The following TSHZ2 variants were observed in gnomAD, a reference collection of about 807,000 sequenced individuals.
TSHZ2 encodes teashirt homolog 2.
Under a neutral mutation model 74.4 loss-of-function variants are expected in TSHZ2, and 21 were observed. The observed-to-expected ratio is 0.28, with a 90% CI of 0.20 to 0.41. The LOEUF is 0.41. Among genes scored for constraint, TSHZ2 ranks in the 10% least tolerant of loss-of-function variants. The pLI is 1.00. For missense variants in TSHZ2, 1,244 were observed against 1,293.5 expected (o/e 0.96, Z 0.59); for synonymous variants, 540 against 515.3 (o/e 1.05, Z -0.65).
chr20:53,379,619 G>A (rs986974629), intron 2 of TSHZ2, among the ~76,000 whole-genome samples: 1 of 152,128 alleles, frequency 6.6e-6, no homozygotes. Flanking sequence ...GGATGTCTTT[G>A]CCAAGCGAAG....
chr20:53,018,886 C>T (rs539560867), intron 1 of TSHZ2, among the ~76,000 whole-genome samples: 5 of 152,150 alleles, frequency 3.3e-5, no homozygotes, highest in African/African-American at 4.8e-5. Context: ...TCTGGATCTT[C>T]GTCCAATTTA....
In TSHZ2 at chr20:53,314,918, G is replaced by A. The variant is rs376226248; in HGVS notation, c.*8+58347G>A. Among the ~76,000 whole-genome samples, 87 of 152,258 alleles carry A rather than the reference G, an allele frequency of 5.7e-4. 1 individual carries two copies. Among genetic ancestry groups the A allele is most frequent in the Admixed American group, 2.9e-3 (44 of 15,300 alleles). On this transcript the variant is annotated intron_variant, in intron 2 of 2. Coordinates refer to ENST00000371497, the MANE Select transcript of TSHZ2 (RefSeq NM_173485.6). ...ATTACAGGCGTGAGCCACCACACCC[G>A]GCCTAGTTCTAGCTTTTTTGCAACA...
rs752828072 is a variant in TSHZ2 at position 53,267,422 on chromosome 20, GCT to G, written c.*8+10853_*8+10854del. On this transcript the variant is annotated intron_variant, in intron 2 of 2. Transcript: ENST00000371497. ...AGTTTCTTTTAATATTTCAGCCTCT[GCT>G]CAGATCCTTAAAGGCGCTATTCACA... Among the ~76,000 whole-genome samples the G allele has an allele frequency of 5.9e-5, 9 of 152,348 alleles. No homozygotes were observed. The East Asian group carries it at 1.4e-3, about 23-fold the overall frequency.
At chr20:53,085,575 A>G (rs1474882001) in intron 1 of TSHZ2, among the ~76,000 whole-genome samples, 1 of 152,170 alleles carries the variant, frequency 6.6e-6, no homozygotes, top group African/African-American at 2.4e-5. Context: ...ACTTATTTAC[A>G]TGCCAGGCCC....
chr20:53,213,971 A>G (rs1197673304), intron 1 of TSHZ2, among the ~76,000 whole-genome samples: 2 of 152,192 alleles, frequency 1.3e-5, no homozygotes, highest in African/African-American at 4.8e-5. Context: ...GCTAAGTACA[A>G]TATAGTAGTA....
chr20:53,097,184 CA>C (rs1358247444), intron 1 of TSHZ2, among the ~76,000 whole-genome samples: 1 of 152,122 alleles, frequency 6.6e-6, no homozygotes, highest in Admixed American at 6.5e-5. Flanking sequence ...AGGGTGGGAA[CA>C]AAACTGCCTC....
At chr20:53,175,293 A>G (rs1472349786) in intron 1 of TSHZ2, among the ~76,000 whole-genome samples, 1 of 150,406 alleles carries the variant, frequency 6.6e-6, no homozygotes, top group Non-Finnish European at 1.5e-5. Context: ...GTCGCCCACC[A>G]CCACGCCTGG....
In TSHZ2 at chr20:53,485,364, CCA is replaced by C. The variant is rs374251091; in HGVS notation, c.*9-1779_*9-1778del. On this transcript the variant is annotated intron_variant, in intron 2 of 2. Transcript: ENST00000371497. ...GATGCTTTCCAGTGAAGAAATACCT[CCA>C]GACAGGTGCCTCATATAGTCAGCAT... 7.1e-3 allele frequency among the ~76,000 whole-genome samples: 1,088 copies of C among 152,268 alleles called. 7 individuals carry two copies. The highest frequency in any genetic ancestry group is 0.012 in the Non-Finnish European group (811 of 68,022).
chr20:53,255,360 C>G lies in TSHZ2; in HGVS notation c.1902C>G (p.Phe634Leu), dbSNP rs1990444414. 1.9e-6 allele frequency: 3 copies of G among 1,613,926 alleles called. No homozygotes were observed. The highest frequency in any genetic ancestry group is 1.7e-5 in the Admixed American group (1 of 60,000). The change falls in exon 2 of 3, where the codon TTC becomes TTG. Residue 634 changes from phenylalanine to leucine, a missense_variant. Physicochemically the swap from Phe to Leu is conservative, Grantham distance 22 (BLOSUM62 0). This residue lies in a region of TSHZ2 where 562 missense variants were observed against 544.0 expected (regional missense o/e 1.03). Transcript: ENST00000371497. This position sits in a 1 kb window ranked among gnomAD's most constrained non-coding sequence, Gnocchi z 4.1. ...TCAGCCACAGTGAGGGCGATTCTTTCCGCAAAAGTGAAACACCTCCAGAAG... is the reference window on the plus strand; with the variant it reads ...TCAGCCACAGTGAGGGCGATTCTTTGCGCAAAAGTGAAACACCTCCAGAAG... ...SSFSHSEGDS[F>L]RKSETPPEAK... is the part of the protein sequence containing the mutation.
intron 1 of TSHZ2, among the ~76,000 whole-genome samples, chr20:53,169,740 C>G (rs1001441545): frequency 2.0e-5 from 3 of 152,154 alleles, no homozygotes; most frequent in African/African-American, 4.8e-5. Flanking sequence ...GTCAAGAACT[C>G]AAGTCTTGAG....
At chr20:53,372,445 C>T (rs1981510103) in intron 2 of TSHZ2, among the ~76,000 whole-genome samples, 1 of 151,934 alleles carries the variant, frequency 6.6e-6, no homozygotes, top group Non-Finnish European at 1.5e-5. Context: ...CCACTACACT[C>T]CAGCCTGGGT....
chr20:53,175,533 G>A (rs775449790), intron 1 of TSHZ2, among the ~76,000 whole-genome samples: 3 of 151,766 alleles, frequency 2.0e-5, no homozygotes, highest in African/African-American at 7.3e-5. Flanking sequence ...TTATATCAAC[G>A]GCTTTCTTCC....
chr20:53,176,591 C>A (rs1988343359), intron 1 of TSHZ2, among the ~76,000 whole-genome samples: 1 of 152,090 alleles, frequency 6.6e-6, no homozygotes, highest in African/African-American at 2.4e-5. Context: ...AATTATTTCA[C>A]AGGGCTTAAG....
At chr20:53,461,368 A>G (rs6022492) in intron 2 of TSHZ2, 87,810 of 153,410 alleles carry the variant, frequency 0.57, 25,631 homozygotes, top group African/African-American at 0.69. Context: ...TGCGCTTCCC[A>G]AGTGAGGCAA....
chr20:53,170,139 G>A (rs1224052587), intron 1 of TSHZ2, among the ~76,000 whole-genome samples: 2 of 152,160 alleles, frequency 1.3e-5, no homozygotes, highest in African/African-American at 2.4e-5. Context: ...GCCAGGTTTT[G>A]AATGGAGATC....
intron 1 of TSHZ2, among the ~76,000 whole-genome samples, chr20:53,233,202 G>A (rs1235498098): frequency 6.6e-6 from 1 of 152,262 alleles, no homozygotes; most frequent in African/African-American, 2.4e-5. Flanking sequence ...TCAATGAAAT[G>A]CTATTTGAAA....
chr20:53,129,099 T>C (rs970253074), intron 1 of TSHZ2, among the ~76,000 whole-genome samples: 3 of 152,114 alleles, frequency 2.0e-5, no homozygotes, highest in African/African-American at 7.2e-5. Context: ...TTATATCCAG[T>C]GAAACATTGG....
intron 2 of TSHZ2, among the ~76,000 whole-genome samples, chr20:53,353,173 G>A (rs1343990752): frequency 1.3e-5 from 2 of 152,152 alleles, no homozygotes; most frequent in Admixed American, 1.3e-4. Context: ...GTTAAGGAGG[G>A]GTTTAAGGTT....
chr20:53,194,506 A>G (rs926493087), intron 1 of TSHZ2, among the ~76,000 whole-genome samples: 2 of 152,220 alleles, frequency 1.3e-5, no homozygotes, highest in Non-Finnish European at 2.9e-5. Context: ...AGCATCATCC[A>G]TCAAGTCCTG....
Sources: allele counts gnomAD v4.1 joint callset (sites outside exome capture counted in the v4.1 genomes callset), GRCh38; gene constraint gnomAD v4.1.1; regional missense constraint gnomAD v4.1.1; non-coding constraint Gnocchi (gnomAD v3.1); transcripts MANE v1.5; gene names NCBI Gene and HGNC (gene_info 2026-07-23, HGNC 2026-07-21).